Variants in ZZZ3 observed in about 807,000 individuals in gnomAD.
ZZZ3 encodes the protein ZZ-type zinc finger-containing protein 3.
ZZZ3 carries 22 observed loss-of-function variants against 95.2 expected under a neutral mutation model. The ratio of observed to expected loss-of-function variants is 0.23; its 90% CI spans 0.17 to 0.33. The LOEUF is 0.33. ZZZ3 is among the 10% of genes least tolerant of loss of function. The probability of loss-of-function intolerance (pLI) is 1.00; values close to 1 mark genes in which losing one functional copy is unlikely to be tolerated. For synonymous variants in ZZZ3, 335 were observed against 358.9 expected (o/e 0.93, Z 0.75); for missense variants, 885 against 1,066.5 (o/e 0.83, Z 2.37).
chr1:77,607,833 T>C (rs1391140009), intron 5 of ZZZ3, among the ~76,000 whole-genome samples: 2 of 151,052 alleles, frequency 1.3e-5, no homozygotes, highest in Non-Finnish European at 1.5e-5. Context: ...CGCAGGAGAA[T>C]TGCTTGAATC....
intron 5 of ZZZ3, among the ~76,000 whole-genome samples, chr1:77,587,251 T>G (rs1287509543): frequency 1.4e-5 from 2 of 143,012 alleles, no homozygotes; most frequent in African/African-American, 5.1e-5. Context: ...CAACTCCAAC[T>G]TTGACCCTTT....
chr1:77,669,491 C>A (rs1234559889), intron 1 of ZZZ3, among the ~76,000 whole-genome samples: 1 of 141,378 alleles, frequency 7.1e-6, no homozygotes, highest in Non-Finnish European at 1.5e-5. Context: ...GCGTCTCGCT[C>A]AGTTGCCCAG....
At chr1:77,653,685 G>T (rs759110488) in intron 1 of ZZZ3, among the ~76,000 whole-genome samples, 3 of 151,586 alleles carry the variant, frequency 2.0e-5, no homozygotes, top group Non-Finnish European at 4.4e-5. Flanking sequence ...CCTGGGAGGC[G>T]GAGGTTGCGG....
At chr1:77,615,727 T>A (rs566133829) in intron 5 of ZZZ3, among the ~76,000 whole-genome samples, 115 of 152,346 alleles carry the variant, frequency 7.5e-4, no homozygotes, top group Non-Finnish European at 1.3e-3. Context: ...TTCTGCAAAC[T>A]GTTCCAAAAG....
intron 4 of ZZZ3, among the ~76,000 whole-genome samples, chr1:77,637,917 A>G (rs1668442617): frequency 6.6e-6 from 1 of 152,242 alleles, no homozygotes. Context: ...TAAGAGGTAT[A>G]TGGTAAAAAC....
At chr1:77,657,879 CTT>C (rs1670412394) in intron 1 of ZZZ3, among the ~76,000 whole-genome samples, 1 of 152,076 alleles carries the variant, frequency 6.6e-6, no homozygotes, top group African/African-American at 2.4e-5. Context: ...TCAACAACCA[CTT>C]AACATACTAG....
chr1:77,613,254 C>T (rs1004066758), intron 5 of ZZZ3, among the ~76,000 whole-genome samples: 5 of 151,868 alleles, frequency 3.3e-5, no homozygotes, highest in African/African-American at 1.2e-4. Context: ...GATTACTCTT[C>T]CATTTGCAGA....
At chr1:77,613,207 T>C (rs1225696047) in intron 5 of ZZZ3, among the ~76,000 whole-genome samples, 1 of 152,048 alleles carries the variant, frequency 6.6e-6, no homozygotes, top group Non-Finnish European at 1.5e-5. Flanking sequence ...TAGTCTTTAG[T>C]ATGAACCACA....
At chr1:77,587,105 G>A (rs574454478) in intron 5 of ZZZ3, among the ~76,000 whole-genome samples, 1 of 152,106 alleles carries the variant, frequency 6.6e-6, no homozygotes, top group Non-Finnish European at 1.5e-5. Flanking sequence ...ATTATACCAC[G>A]GAGGAACTAG....
chr1:77,583,173 G>T (rs1462015504), intron 6 of ZZZ3, among the ~76,000 whole-genome samples: 2 of 151,900 alleles, frequency 1.3e-5, no homozygotes, highest in Non-Finnish European at 2.9e-5. Flanking sequence ...GAAGAATCAG[G>T]AAATAATCAA....
At chr1:77,576,802 G>C (rs1457210970) in intron 11 of ZZZ3, among the ~76,000 whole-genome samples, 1 of 151,806 alleles carries the variant, frequency 6.6e-6, no homozygotes, top group Non-Finnish European at 1.5e-5. Flanking sequence ...TTCTTGTAAT[G>C]TTTTAAGAAA....
In ZZZ3 at chr1:77,641,583, T is replaced by C; in HGVS notation, c.-330A>G. The C allele has an allele frequency of 5.0e-6, 2 of 398,310 alleles. No homozygotes were observed. The allele number at this position is 398,310 out of a possible 1,614,324, so 24.7% of individuals were successfully genotyped here. A position where few individuals can be genotyped will look rare whatever the true frequency, so the allele number is the denominator to read the frequency against. On this transcript the variant is annotated 5_prime_UTR_variant, in exon 2 of 15. Transcript: ENST00000370801. ...TGCGTCTGTATTTATCTGTCATCAC[T>C]GTTAATTGTCCATGTTACACTGAGA...
At chr1:77,624,844 G>A (rs1208855650) in intron 5 of ZZZ3, among the ~76,000 whole-genome samples, 1 of 152,180 alleles carries the variant, frequency 6.6e-6, no homozygotes, top group African/African-American at 2.4e-5. Flanking sequence ...AGGCAGTCTT[G>A]TAGGATGGAG....
In ZZZ3 at chr1:77,670,746, T is replaced by TAAACA. The variant is rs1175421890; in HGVS notation, c.-403+11834_-403+11838dup. 4.8e-5 allele frequency among the ~76,000 whole-genome samples: 7 copies of TAAACA among 146,324 alleles called. No homozygotes were observed. In the South Asian group the frequency reaches 1.5e-3, roughly 32 times the overall value. Reference sequence around the variant, plus strand: ...TAGTAGTGTTTGTTCTGTTTTTTTTTAAACAAAACAAAACAAAAAAAAAAC... The same window carrying TAAACA: ...TAGTAGTGTTTGTTCTGTTTTTTTTTAAACAAAACAAAACAAAACAAAAAAAAAAC... On this transcript the variant is annotated intron_variant, in intron 1 of 14. Transcript: ENST00000370801.
chr1:77,579,516 T>C lies in ZZZ3; in HGVS notation c.2082+11A>G. 1 of 1,585,128 alleles carries C rather than the reference T, an allele frequency of 6.3e-7. No individual in the cohort carries two copies. Among genetic ancestry groups the C allele is most frequent in the Non-Finnish European group, 8.6e-7 (1 of 1,161,072 alleles). ...AGCATACCAGCAATCTGCAGTCATC[T>C]CCTCAATTACCTGTTTTGCTGTCCT... On this transcript the variant is annotated intron_variant, in intron 10 of 14. Coordinates refer to ENST00000370801, the MANE Select transcript of ZZZ3 (RefSeq NM_015534.6).
At chr1:77,596,743 C>T (rs957224791) in intron 5 of ZZZ3, among the ~76,000 whole-genome samples, 2 of 151,964 alleles carry the variant, frequency 1.3e-5, no homozygotes, top group African/African-American at 4.8e-5. Flanking sequence ...ATACTGATGT[C>T]CATATATAAT....
chr1:77,566,005 G>A (rs2291689), intron 14 of ZZZ3, 76 bp downstream of exon 14: 35,322 of 1,273,782 alleles, frequency 0.028, 833 homozygotes, highest in African/African-American at 0.096. Flanking sequence ...TTCTATGTTT[G>A]GAAATCAAAT....
chr1:77,627,565 T>A (rs1056178304), intron 5 of ZZZ3, among the ~76,000 whole-genome samples: 2 of 152,208 alleles, frequency 1.3e-5, no homozygotes, highest in African/African-American at 4.8e-5. Context: ...GAAATAAGCA[T>A]GGTGCAATAA....
At chr1:77,645,088 A>C (rs1188653569) in intron 1 of ZZZ3, among the ~76,000 whole-genome samples, 1 of 151,976 alleles carries the variant, frequency 6.6e-6, no homozygotes, top group African/African-American at 2.4e-5. Flanking sequence ...ACAATAAATT[A>C]GTGGGGCATG....
Sources: gnomAD v4.1 joint callset for allele counts (sites outside exome capture counted in the v4.1 genomes callset) on GRCh38, gnomAD v4.1.1 for gene constraint, MANE v1.5 for transcripts, NCBI Gene and HGNC (gene_info 2026-07-23, HGNC 2026-07-21) for gene names.